Variants in DHX15 observed in about 807,000 individuals in gnomAD.
DHX15 encodes the protein DEAH-box helicase 15.
A neutral mutation model predicts 94.4 loss-of-function variants in DHX15; 11 were observed. That is an observed-to-expected ratio of 0.12 (90% CI 0.07 to 0.19). The LOEUF (loss-of-function observed/expected upper bound fraction) is 0.19. Among genes scored for constraint, DHX15 ranks in the 10% least tolerant of loss-of-function variants. The pLI is 1.00. For missense variants in DHX15, 304 were observed against 988.5 expected, an observed-to-expected ratio of 0.31 and a Z score of 9.29; for synonymous variants, 338 against 329.9, an observed-to-expected ratio of 1.02 and a Z score of -0.27.
At chr4:24,584,150 T>C (rs1722549023) in intron 1 of DHX15, 173 bp downstream of exon 1, 3 of 673,320 alleles carry the variant, frequency 4.5e-6, no homozygotes, top group East Asian at 3.0e-5. Context: ...CCCCGCGCCC[T>C]TGCCGGGCCG....
At chr4:24,548,770 A>G in intron 6 of DHX15, 85 bp downstream of exon 6, 1 of 1,286,504 alleles carries the variant, frequency 7.8e-7, no homozygotes, top group Non-Finnish European at 1.1e-6. Flanking sequence ...AATCACCCAT[A>G]ACTTAGTCCT....
chr4:24,561,162 T>C (rs1577344592), intron 3 of DHX15, among the ~76,000 whole-genome samples: 1 of 152,246 alleles, frequency 6.6e-6, no homozygotes, highest in Non-Finnish European at 1.5e-5. Context: ...ATGTTTCTAA[T>C]AGCAAAAACT....
At chr4:24,528,124 T>G (rs1720999318) in intron 13 of DHX15, 83 bp from the exon 14 acceptor site, 1 of 884,312 alleles carries the variant, frequency 1.1e-6, no homozygotes, top group African/African-American at 1.6e-5. Flanking sequence ...CATTATTCAT[T>G]AATATACTGA....
chr4:24,530,024 T>C (rs1480516808), intron 12 of DHX15: 5 of 530,852 alleles, frequency 9.4e-6, no homozygotes, highest in African/African-American at 1.9e-5. Context: ...AAAAATATCA[T>C]ACAAAAAACA....
At chr4:24,548,664 T>C (rs1345802267) in intron 6 of DHX15, among the ~76,000 whole-genome samples, 191 bp downstream of exon 6, 2 of 152,218 alleles carry the variant, frequency 1.3e-5, no homozygotes, top group African/African-American at 2.4e-5. Flanking sequence ...AAGGAGGCAC[T>C]ACCTAGAAGA....
At chr4:24,569,341 C>T (rs1051995215) in intron 3 of DHX15, among the ~76,000 whole-genome samples, 30 of 152,022 alleles carry the variant, frequency 2.0e-4, no homozygotes, top group Non-Finnish European at 4.4e-5. Flanking sequence ...GCCTGTAATC[C>T]CAGCACTGTG....
chr4:24,537,331 G>C lies in DHX15; in HGVS notation c.1787-158C>G, dbSNP rs1246087860. On this transcript the variant is annotated intron_variant, in intron 10 of 13. Transcript: ENST00000336812. This position sits in a 1 kb window ranked among gnomAD's most constrained non-coding sequence, Gnocchi z 4.7. ...TTGGATTGTTTACTACCTTGATTTG[G>C]TACATCAACACCTAACCACATCTGT... 1.3e-5 allele frequency: 11 copies of C among 839,288 alleles called. No individual in the cohort carries two copies. The highest frequency in any genetic ancestry group is 1.9e-5 in the Non-Finnish European group (11 of 564,588). The allele number at this position is 839,288 out of a possible 1,614,324, so 52.0% of individuals were successfully genotyped here.
At chr4:24,553,493 G>A (rs1487893183) in intron 5 of DHX15, among the ~76,000 whole-genome samples, 3 of 152,030 alleles carry the variant, frequency 2.0e-5, no homozygotes, top group Non-Finnish European at 4.4e-5. Flanking sequence ...GCATTTTGGG[G>A]CCAGGTGTGG....
At chr4:24,538,698 G>A (rs1373613851) in intron 10 of DHX15, 2 of 151,808 alleles carry the variant, frequency 1.3e-5, no homozygotes, top group Non-Finnish European at 2.9e-5. Flanking sequence ...TCATTCTCCT[G>A]ACAAACTAAA....
chr4:24,549,868 C>A (rs779448759), intron 5 of DHX15, among the ~76,000 whole-genome samples: 2 of 151,686 alleles, frequency 1.3e-5, no homozygotes, highest in African/African-American at 4.8e-5. Context: ...CCGAGGTGGG[C>A]GGATCACCTG....
At chr4:24,559,392 A>G (rs1016110276) in intron 3 of DHX15, among the ~76,000 whole-genome samples, 9 of 151,482 alleles carry the variant, frequency 5.9e-5, no homozygotes, top group South Asian at 2.1e-4. Context: ...AAAAAAAAAA[A>G]AAAAGAAACA....
intron 6 of DHX15, among the ~76,000 whole-genome samples, chr4:24,544,244 A>G (rs1456296867): frequency 2.0e-5 from 3 of 152,224 alleles, no homozygotes; most frequent in African/African-American, 7.2e-5. Flanking sequence ...TTTAAAAATC[A>G]TAGGCTTTTG....
At chr4:24,553,136 AAC>A (rs1721648392) in intron 5 of DHX15, among the ~76,000 whole-genome samples, 1 of 152,046 alleles carries the variant, frequency 6.6e-6, no homozygotes. Context: ...CAGCCTGACC[AAC>A]ACGGAGAAAC....
intron 3 of DHX15, 118 bp downstream of exon 3, chr4:24,570,536 C>T: frequency 2.6e-6 from 2 of 778,026 alleles, no homozygotes; most frequent in Non-Finnish European, 4.1e-6. Context: ...TCTAAGAAGG[C>T]CTACTTTGGA....
intron 6 of DHX15, among the ~76,000 whole-genome samples, chr4:24,544,282 A>G (rs533629405): frequency 6.6e-6 from 1 of 152,332 alleles, no homozygotes; most frequent in South Asian, 2.1e-4. Flanking sequence ...CTTAATATTA[A>G]CACTTTCATT....
At position 24,527,949 on chromosome 4, in the gene DHX15, T is replaced by A; in HGVS notation, c.2363A>T (p.Gln788Leu). The A allele has an allele frequency of 6.2e-7, 1 of 1,613,248 alleles. No individual in the cohort carries two copies. Among genetic ancestry groups the A allele is most frequent in the Non-Finnish European group, 8.5e-7 (1 of 1,179,234 alleles). ...TCAGTACTGTGAATATTCCTTGGAT[T>A]GAAGTTTGGCAATGATGCGGTCCAA... The part of the protein sequence containing the change: ...RQLDRIIAKL[Q>L]SKEYSQY Residue 788 changes from glutamine to leucine, a missense_variant, in exon 14 of 14, where the codon CAA becomes CTA. By Grantham distance (113) the Gln-to-Leu change is moderately radical (BLOSUM62 -2). Around this residue, in one of 9 missense-constraint regions of DHX15, gnomAD observed 14 missense variants for 17.3 expected, o/e 0.81. Coordinates refer to ENST00000336812, the MANE Select transcript of DHX15 (RefSeq NM_001358.3).
chr4:24,559,978 C>G (rs1456057166), intron 3 of DHX15, among the ~76,000 whole-genome samples: 1 of 152,114 alleles, frequency 6.6e-6, no homozygotes, highest in Admixed American at 6.6e-5. Context: ...AGTAACAGTT[C>G]AGCTTTTCAA....
chr4:24,529,491 G>A, intron 13 of DHX15, 110 bp downstream of exon 13: 1 of 918,020 alleles, frequency 1.1e-6, no homozygotes, highest in Non-Finnish European at 1.7e-6. Context: ...CCTACACACT[G>A]AAATATAAAT....
intron 5 of DHX15, among the ~76,000 whole-genome samples, chr4:24,549,438 T>C (rs1721537836): frequency 6.6e-6 from 1 of 152,240 alleles, no homozygotes; most frequent in Non-Finnish European, 1.5e-5. Context: ...CACGTATCAC[T>C]AATGCAATTA....
Sources: gnomAD v4.1 joint callset for allele counts (sites outside exome capture counted in the v4.1 genomes callset) on GRCh38, gnomAD v4.1.1 for gene constraint, gnomAD v4.1.1 regional missense constraint, Gnocchi (gnomAD v3.1) non-coding constraint, MANE v1.5 for transcripts, NCBI Gene and HGNC (gene_info 2026-07-23, HGNC 2026-07-21) for gene names.